Variants in CBR4 observed in about 807,000 individuals in gnomAD.
CBR4 encodes carbonyl reductase 4, also known as 3-oxoacyl-[acyl-carrier-protein] reductase.
Under a neutral mutation model 21.0 loss-of-function variants are expected in CBR4, and 22 were observed. That is an observed-to-expected ratio of 1.05 (90% CI 0.75 to 1.50). CBR4 has a LOEUF of 1.50. Ranked by LOEUF, CBR4 falls within the 40% of genes most tolerant of loss-of-function variation. The pLI is 0.00. For synonymous variants in CBR4, 100 were observed against 104.4 expected, an observed-to-expected ratio of 0.96 and a Z score of 0.26; for missense variants, 302 against 286.3, an observed-to-expected ratio of 1.05 and a Z score of -0.40.
Position 168,989,465 on chromosome 4 carries a change from C to G in CBR4, c.*685G>C. On this transcript the variant is annotated 3_prime_UTR_variant, in exon 5 of 5. Transcript: ENST00000306193. ...GAAATACCACTCAAAGAAATCAATT[C>G]TAAATTCATGTCTTTAATGAATACT... 1.0e-6 allele frequency: 1 copy of G among 985,316 alleles called. No homozygotes were observed. Among genetic ancestry groups the G allele is most frequent in the Non-Finnish European group, 1.2e-6 (1 of 829,864 alleles). 61.0% of individuals were successfully genotyped at this position (985,316 alleles called of 1,614,324 possible).
chr4:168,922,319 T>G (rs551481795), intron 2 of CBR4, among the ~76,000 whole-genome samples: 12 of 152,312 alleles, frequency 7.9e-5, no homozygotes, highest in African/African-American at 2.4e-4. Flanking sequence ...TTTTATACCA[T>G]CCTTAAGAGT....
At chr4:168,960,246 A>C (rs1763807440) in intron 2 of CBR4, among the ~76,000 whole-genome samples, 1 of 152,236 alleles carries the variant, frequency 6.6e-6, no homozygotes, top group African/African-American at 2.4e-5. Flanking sequence ...TTATAGCCAC[A>C]TTATCTCAAA....
chr4:168,957,481 A>T (rs572912443), intron 2 of CBR4, among the ~76,000 whole-genome samples: 13 of 152,260 alleles, frequency 8.5e-5, no homozygotes, highest in African/African-American at 3.1e-4. Flanking sequence ...TGTTTTTACC[A>T]ACTTAACTGA....
At chr4:168,964,164 AC>A in intron 2 of CBR4, among the ~76,000 whole-genome samples, 1 of 152,308 alleles carries the variant, frequency 6.6e-6, no homozygotes, top group African/African-American at 2.4e-5. Context: ...ACAGAACAAT[AC>A]TCTGACAATA....
chr4:168,919,242 C>T (rs891874379), intron 2 of CBR4, among the ~76,000 whole-genome samples: 3 of 151,994 alleles, frequency 2.0e-5, no homozygotes, highest in Non-Finnish European at 2.9e-5. Context: ...TGTGAAAAAT[C>T]GGCCAGGCAC....
Position 169,006,814 on chromosome 4 carries a change from G to A in CBR4, c.341C>T (p.Thr114Ile). The change falls in exon 3 of 5, where the codon ACC becomes ATC. Residue 114 changes from threonine to isoleucine, a missense_variant. Coordinates refer to ENST00000306193, the MANE Select transcript of CBR4 (RefSeq NM_032783.5). ...LHTNLLGSML[T>I]CKAAMRTMIQ... ...CATAGTCCTCATGGCAGCTTTACAG[G>A]TCAGCATGGAACCCAAGAGGTTAGT... 2 of 1,613,482 alleles carry A rather than the reference G, an allele frequency of 1.2e-6. No individual in the cohort carries two copies. Among genetic ancestry groups the A allele is most frequent in the East Asian group, 2.2e-5 (1 of 44,864 alleles).
intron 2 of CBR4, chr4:168,925,047 T>C: frequency 6.2e-7 from 1 of 1,614,144 alleles, no homozygotes; most frequent in Non-Finnish European, 8.5e-7. Flanking sequence ...AAGCAGGGAT[T>C]GTGTCCTGTA....
In CBR4 at chr4:168,998,713, T is replaced by C. The variant is rs144759741; in HGVS notation, c.535+3358A>G. Among the ~76,000 whole-genome samples, 332 of 152,256 alleles carry C rather than the reference T, an allele frequency of 2.2e-3. 1 individual carries two copies. The highest frequency in any genetic ancestry group is 0.02 in the South Asian group (97 of 4,828). On this transcript the variant is annotated intron_variant, in intron 4 of 4. Transcript: ENST00000306193. ...AATTGTATTTCCACAAAGCTGTTAT[T>C]TAAAAAAGTGAAGCAGCTCTATATG...
intron 1 of CBR4, 22 bp from the exon 2 acceptor site, chr4:169,007,778 G>T: frequency 6.5e-7 from 1 of 1,541,056 alleles, no homozygotes; most frequent in Non-Finnish European, 8.7e-7. Context: ...AGTTAAATAA[G>T]AATTACTTAT....
intron 2 of CBR4, among the ~76,000 whole-genome samples, chr4:168,915,112 C>T (rs1318553119): frequency 6.6e-6 from 1 of 152,126 alleles, no homozygotes; most frequent in African/African-American, 2.4e-5. Context: ...TAGATCTATA[C>T]TTAGAGAAGG....
intron 2 of CBR4, among the ~76,000 whole-genome samples, chr4:168,942,058 A>G (rs929450837): frequency 2.6e-5 from 4 of 152,222 alleles, no homozygotes; most frequent in African/African-American, 9.6e-5. Flanking sequence ...CAGCCATAAA[A>G]AAGAATGAGT....
intron 2 of CBR4, among the ~76,000 whole-genome samples, chr4:168,925,669 T>C (rs1762435298): frequency 6.6e-6 from 1 of 152,176 alleles, no homozygotes; most frequent in South Asian, 2.1e-4. Flanking sequence ...CAGCATTATG[T>C]TATCCATTGA....
chr4:168,907,254 C>T (rs1209252737), intron 2 of CBR4, among the ~76,000 whole-genome samples: 1 of 152,216 alleles, frequency 6.6e-6, no homozygotes, highest in Non-Finnish European at 1.5e-5. Context: ...ACTACCCCAT[C>T]TTAAAGCAAC....
At chr4:168,959,766 T>C (rs1211988588) in intron 2 of CBR4, among the ~76,000 whole-genome samples, 4 of 151,788 alleles carry the variant, frequency 2.6e-5, no homozygotes, top group East Asian at 3.9e-4. Flanking sequence ...GGTTTCACCT[T>C]GTTGGTCAGG....
At chr4:168,935,776 G>A (rs1763095080) in intron 2 of CBR4, among the ~76,000 whole-genome samples, 2 of 152,200 alleles carry the variant, frequency 1.3e-5, no homozygotes, top group Non-Finnish European at 2.9e-5. Flanking sequence ...GGGCTCATAG[G>A]GAAAACTCCC....
At chr4:168,981,836 T>C (rs1394890933) in intron 2 of CBR4, among the ~76,000 whole-genome samples, 1 of 152,108 alleles carries the variant, frequency 6.6e-6, no homozygotes, top group Non-Finnish European at 1.5e-5. Context: ...GAAGGAAAAA[T>C]TAAATCCTTT....
chr4:168,986,977 G>A (rs1188250032), downstream of CBR4, among the ~76,000 whole-genome samples: 2 of 152,066 alleles, frequency 1.3e-5, no homozygotes, highest in African/African-American at 4.8e-5. Flanking sequence ...ATAAATAAGT[G>A]TCTTAAATGT....
At chr4:168,984,534 T>C (rs1225737521), downstream of CBR4, among the ~76,000 whole-genome samples, 2 of 152,140 alleles carry the variant, frequency 1.3e-5, no homozygotes, top group African/African-American at 4.8e-5. Context: ...AATGACATTT[T>C]TAACATAATT....
At chr4:168,926,629 TG>T (rs1320797961) in intron 2 of CBR4, 2 of 419,284 alleles carry the variant, frequency 4.8e-6, no homozygotes, top group African/African-American at 4.0e-5. Context: ...TTGGAATTGC[TG>T]TGATTAAAGT....
Sources: allele counts gnomAD v4.1 joint callset (sites outside exome capture counted in the v4.1 genomes callset), GRCh38; gene constraint gnomAD v4.1.1; transcripts MANE v1.5; gene names NCBI Gene and HGNC (gene_info 2026-07-23, HGNC 2026-07-21).